EXOC4: variants seen among roughly 807,000 people sequenced by gnomAD.
EXOC4 encodes the protein SEC8-like 1.
Under a neutral mutation model 107.2 loss-of-function variants are expected in EXOC4, and 71 were observed. That is an observed-to-expected ratio of 0.66 (90% confidence interval 0.55 to 0.81). The LOEUF is 0.81. Ranked by LOEUF, EXOC4 falls within the 30% of genes least tolerant of loss-of-function variation. EXOC4 has a pLI of 0.00. For missense variants in EXOC4, 1,108 were observed against 1,189.6 expected (o/e 0.93, Z 1.01); for synonymous variants, 456 against 441.2 (o/e 1.03, Z -0.42).
chr7:133,378,686 A>G (rs554022221), intron 7 of EXOC4, among the ~76,000 whole-genome samples: 1 of 152,276 alleles, frequency 6.6e-6, no homozygotes, highest in East Asian at 1.9e-4. Context: ...TAGAGCAAAC[A>G]TTAAAATTCT....
intron 14 of EXOC4, among the ~76,000 whole-genome samples, chr7:133,941,425 G>C (rs1249002268): frequency 1.3e-5 from 2 of 152,162 alleles, no homozygotes; most frequent in African/African-American, 4.8e-5. Flanking sequence ...TAGTTGCAGA[G>C]CATGGCTGGC....
chr7:133,542,805 G>A (rs964339184), intron 9 of EXOC4, among the ~76,000 whole-genome samples: 3 of 151,846 alleles, frequency 2.0e-5, no homozygotes. Context: ...CTAATGAATG[G>A]CATTTAATTC....
chr7:133,378,494 A>G (rs1390758490), intron 7 of EXOC4, among the ~76,000 whole-genome samples: 1 of 152,078 alleles, frequency 6.6e-6, no homozygotes, highest in Non-Finnish European at 1.5e-5. Context: ...TCTAAGTCAA[A>G]AACAATCATA....
chr7:133,535,829 A>T (rs1406534723), intron 9 of EXOC4, among the ~76,000 whole-genome samples: 1 of 152,184 alleles, frequency 6.6e-6, no homozygotes, highest in East Asian at 1.9e-4. Flanking sequence ...TGTTGCTGTT[A>T]GAAACTATGA....
At chr7:133,786,518 C>A (rs143749810) in intron 10 of EXOC4, among the ~76,000 whole-genome samples, 3 of 152,192 alleles carry the variant, frequency 2.0e-5, no homozygotes, top group Non-Finnish European at 2.9e-5. Context: ...TAGAATATTA[C>A]GAAACAGGTG....
chr7:133,873,713 C>T (rs1354125775), intron 11 of EXOC4, among the ~76,000 whole-genome samples: 2 of 151,964 alleles, frequency 1.3e-5, no homozygotes, highest in Non-Finnish European at 2.9e-5. Context: ...ATATTTTTTT[C>T]CTGGTTGGTG....
intron 9 of EXOC4, among the ~76,000 whole-genome samples, chr7:133,506,558 T>C (rs1799669443): frequency 6.6e-6 from 1 of 152,162 alleles, no homozygotes; most frequent in Admixed American, 6.5e-5. Flanking sequence ...CAGACTTTTA[T>C]GAACATCTGT....
chr7:133,549,729 C>CA, intron 9 of EXOC4, among the ~76,000 whole-genome samples: 1 of 152,058 alleles, frequency 6.6e-6, no homozygotes, highest in East Asian at 1.9e-4. Flanking sequence ...AAGCATACTT[C>CA]AAAAAACATG....
At chr7:133,429,497 G>T (rs1161398813) in intron 7 of EXOC4, among the ~76,000 whole-genome samples, 2 of 152,140 alleles carry the variant, frequency 1.3e-5, no homozygotes, top group East Asian at 1.9e-4. Context: ...ATAGGTTTTA[G>T]TATATTCACA....
At chr7:133,478,115 CCTTTT>C (rs1192472026) in intron 8 of EXOC4, among the ~76,000 whole-genome samples, 8 of 151,486 alleles carry the variant, frequency 5.3e-5, no homozygotes, top group Non-Finnish European at 7.4e-5. Context: ...CTAAGCAGGC[CCTTTT>C]CTTTTCTTTT....
At chr7:133,790,532 A>G (rs1024798830) in intron 10 of EXOC4, among the ~76,000 whole-genome samples, 4 of 152,276 alleles carry the variant, frequency 2.6e-5, no homozygotes, top group Non-Finnish European at 5.9e-5. Flanking sequence ...TGCTGCTATC[A>G]CAAGTTCACA....
At chr7:133,544,399 TC>T (rs1339841584) in intron 9 of EXOC4, among the ~76,000 whole-genome samples, 1 of 152,140 alleles carries the variant, frequency 6.6e-6, no homozygotes, top group African/African-American at 2.4e-5. Flanking sequence ...TATAGTAACT[TC>T]CACCATTTAT....
In EXOC4 at chr7:133,729,317, T is replaced by C. The variant is rs374473431; in HGVS notation, c.1515-88008T>C. 3.9e-5 allele frequency among the ~76,000 whole-genome samples: 6 copies of C among 152,138 alleles called. No individual in the cohort carries two copies. In the East Asian group the frequency reaches 7.7e-4, roughly 19 times the overall value. Reference sequence around the variant, plus strand: ...ATTATGCCATTTTTTAAAAATGTTATTTTTTTGAGAAGACAGTAATTGCAC... The same window carrying C: ...ATTATGCCATTTTTTAAAAATGTTACTTTTTTGAGAAGACAGTAATTGCAC... On this transcript the variant is annotated intron_variant, in intron 10 of 17. Transcript: ENST00000253861.
chr7:133,963,692 A>C (rs927289624), intron 14 of EXOC4, among the ~76,000 whole-genome samples: 3 of 152,244 alleles, frequency 2.0e-5, no homozygotes, highest in African/African-American at 7.2e-5. Flanking sequence ...GAAGAACGTG[A>C]AATTGGCACT....
intron 9 of EXOC4, among the ~76,000 whole-genome samples, chr7:133,546,190 C>A (rs1342151081): frequency 6.6e-6 from 1 of 150,834 alleles, no homozygotes; most frequent in African/African-American, 2.4e-5. Context: ...TTTTTAAGAT[C>A]AGATTTATTG....
chr7:133,542,536 T>G (rs1458888253), intron 9 of EXOC4, among the ~76,000 whole-genome samples: 2 of 152,154 alleles, frequency 1.3e-5, no homozygotes, highest in African/African-American at 4.8e-5. Context: ...GGTAATATTT[T>G]TAGGTTTTAT....
chr7:133,879,393 C>G (rs1036255703), intron 11 of EXOC4, among the ~76,000 whole-genome samples: 3 of 152,208 alleles, frequency 2.0e-5, no homozygotes, highest in East Asian at 1.9e-4. Flanking sequence ...CACATCCTGC[C>G]TTATTTTGTA....
At chr7:134,099,873 ATTT>A in the EXOC4 span, among the ~76,000 whole-genome samples, 21 of 151,764 alleles carry the variant, frequency 1.4e-4, no homozygotes, top group Non-Finnish European at 2.2e-4. Flanking sequence ...CACCCAGCTA[ATTT>A]TTGTATTTTT....
chr7:134,006,083 C>T (rs1794636746), intron 16 of EXOC4, among the ~76,000 whole-genome samples: 1 of 152,198 alleles, frequency 6.6e-6, no homozygotes, highest in Admixed American at 6.5e-5. Flanking sequence ...CAGTGCCTAC[C>T]TGAGAATTCA....
Sources: allele counts gnomAD v4.1 joint callset (sites outside exome capture counted in the v4.1 genomes callset), GRCh38; gene constraint gnomAD v4.1.1; transcripts MANE v1.5; gene names NCBI Gene and HGNC (gene_info 2026-07-23, HGNC 2026-07-21).